The following OSBPL6 variants were observed in gnomAD, a reference collection of about 807,000 sequenced individuals.
OSBPL6 encodes the protein oxysterol binding protein like 6, also known as oxysterol-binding protein-related protein 6.
A neutral mutation model predicts 125.8 loss-of-function variants in OSBPL6; 49 were observed. The ratio of observed to expected loss-of-function variants is 0.39; its 90% CI spans 0.31 to 0.49. The LOEUF (loss-of-function observed/expected upper bound fraction) is 0.49. Among genes scored for constraint, OSBPL6 ranks in the 20% least tolerant of loss-of-function variants. OSBPL6 has a pLI of 0.88. For synonymous variants in OSBPL6, 394 were observed against 391.8 expected, an observed-to-expected ratio of 1.01 and a Z score of -0.07; for missense variants, 986 against 1,135.4, an observed-to-expected ratio of 0.87 and a Z score of 1.89.
chr2:178,300,410 T>A (rs1447300086), intron 2 of OSBPL6, among the ~76,000 whole-genome samples: 1 of 152,216 alleles, frequency 6.6e-6, no homozygotes, highest in Non-Finnish European at 1.5e-5. Context: ...CAGATGTATC[T>A]GCCATAGAGA....
At chr2:178,256,549 C>T (rs1160737805) in intron 1 of OSBPL6, among the ~76,000 whole-genome samples, 1 of 152,056 alleles carries the variant, frequency 6.6e-6, no homozygotes, top group African/African-American at 2.4e-5. Context: ...TCAAGGAAGT[C>T]GTGTGGAAAA....
intron 12 of OSBPL6, among the ~76,000 whole-genome samples, chr2:178,359,892 A>G (rs988971408): frequency 6.6e-6 from 1 of 152,192 alleles, no homozygotes; most frequent in Non-Finnish European, 1.5e-5. Flanking sequence ...GTTTGAGAGC[A>G]GTCTGGTCAA....
chr2:178,348,995 T>C (rs2154089653), intron 11 of OSBPL6, among the ~76,000 whole-genome samples: 1 of 152,328 alleles, frequency 6.6e-6, no homozygotes, highest in Non-Finnish European at 1.5e-5. Flanking sequence ...TATTTCTCTC[T>C]GTAGCAGTGA....
At chr2:178,385,641 A>C in intron 19 of OSBPL6, 120 bp downstream of exon 19, 1 of 750,656 alleles carries the variant, frequency 1.3e-6, no homozygotes, top group Non-Finnish European at 2.2e-6. Flanking sequence ...AAATGTTAGT[A>C]ATTGGTGCAG....
intron 15 of OSBPL6, among the ~76,000 whole-genome samples, chr2:178,378,605 G>T (rs117491478): frequency 0.025 from 3,817 of 152,198 alleles, 270 homozygotes; most frequent in Admixed American, 0.15. Flanking sequence ...GAACTCTTTT[G>T]AATCCCTAAG....
intron 3 of OSBPL6, among the ~76,000 whole-genome samples, chr2:178,312,948 T>C (rs1687418580): frequency 6.6e-6 from 1 of 151,930 alleles, no homozygotes; most frequent in South Asian, 2.1e-4. Context: ...CAGGCTAGAG[T>C]GCAATGGTGT....
At chr2:178,216,510 G>T (rs1202735840) in intron 1 of OSBPL6, among the ~76,000 whole-genome samples, 1 of 152,186 alleles carries the variant, frequency 6.6e-6, no homozygotes. Flanking sequence ...TGAGAGAGAG[G>T]AAGCTCTTCT....
At chr2:178,368,158 A>G (rs967629160) in intron 13 of OSBPL6, among the ~76,000 whole-genome samples, 2 of 152,210 alleles carry the variant, frequency 1.3e-5, no homozygotes, top group African/African-American at 4.8e-5. Flanking sequence ...AATAATTTTT[A>G]GGGCAGGAAA....
intron 1 of OSBPL6, among the ~76,000 whole-genome samples, chr2:178,219,093 A>T (rs2090227219): frequency 6.6e-6 from 1 of 152,058 alleles, no homozygotes; most frequent in South Asian, 2.1e-4. Flanking sequence ...AGGATTCTAG[A>T]TGTAATCCTA....
intron 1 of OSBPL6, among the ~76,000 whole-genome samples, chr2:178,218,879 C>T (rs890606567): frequency 3.9e-5 from 6 of 152,138 alleles, no homozygotes; most frequent in South Asian, 4.1e-4. Flanking sequence ...CTGCCCACCT[C>T]AGCCTCCCAA....
At chr2:178,300,405 G>A (rs763915513) in intron 2 of OSBPL6, among the ~76,000 whole-genome samples, 2 of 152,242 alleles carry the variant, frequency 1.3e-5, no homozygotes, top group African/African-American at 2.4e-5. Context: ...GCTGTCAGAT[G>A]TATCTGCCAT....
intron 12 of OSBPL6, among the ~76,000 whole-genome samples, chr2:178,360,887 T>G (rs981431780): frequency 6.6e-6 from 1 of 152,232 alleles, no homozygotes; most frequent in African/African-American, 2.4e-5. Flanking sequence ...TTTCCACTTT[T>G]ATAAATACCT....
intron 3 of OSBPL6, among the ~76,000 whole-genome samples, chr2:178,315,432 A>G (rs1177812884): frequency 6.6e-6 from 1 of 152,236 alleles, no homozygotes; most frequent in African/African-American, 2.4e-5. Flanking sequence ...GGAATGTAGT[A>G]AATATGACAA....
In OSBPL6 at chr2:178,331,484, C is replaced by A. The variant is rs536872491; in HGVS notation, c.319-68C>A. The A allele has an allele frequency of 1.2e-5, 18 of 1,501,756 alleles. No homozygotes were observed. In the South Asian group the frequency reaches 1.5e-4, roughly 12 times the overall value. 93.0% of individuals were successfully genotyped at this position (1,501,756 alleles called of 1,614,324 possible). A position where few individuals can be genotyped will look rare whatever the true frequency, so the allele number is the denominator to read the frequency against. On this transcript the variant is annotated intron_variant, in intron 5 of 24. Transcript: ENST00000190611. ...TTAATAAATGCCAAGCAACATTAGACCCACATTTGTGAATGTTTTATGTAA... is the reference window on the plus strand; with the variant it reads ...TTAATAAATGCCAAGCAACATTAGAACCACATTTGTGAATGTTTTATGTAA...
intron 1 of OSBPL6, among the ~76,000 whole-genome samples, chr2:178,282,392 G>A (rs1023401338): frequency 1.3e-5 from 2 of 152,162 alleles, no homozygotes; most frequent in African/African-American, 4.8e-5. Flanking sequence ...GGGAAGGAAA[G>A]GAAGCCTTAA....
Position 178,396,275 on chromosome 2 carries a change from C to T in OSBPL6, c.*716C>T, listed in dbSNP as rs1370716114. 1 of 156,580 alleles carries T rather than the reference C, an allele frequency of 6.4e-6. No individual in the cohort carries two copies. Among genetic ancestry groups the T allele is most frequent in the East Asian group, 1.9e-4 (1 of 5,392 alleles). The allele number at this position is 156,580 out of a possible 1,614,324, so 9.7% of individuals were successfully genotyped here. A position where few individuals can be genotyped will look rare whatever the true frequency, so the allele number is the denominator to read the frequency against. ...TTAAAAGTGAACAACACGTGCTTTA[C>T]TCTGATAAGTCAGTTACCATATGGT... On this transcript the variant is annotated 3_prime_UTR_variant, in exon 25 of 25. Transcript: ENST00000190611.
intron 3 of OSBPL6, among the ~76,000 whole-genome samples, chr2:178,310,633 G>C (rs1206069614): frequency 1.3e-5 from 2 of 151,878 alleles, no homozygotes; most frequent in Admixed American, 6.6e-5. Flanking sequence ...TAGCCAGGAT[G>C]GTCTCGATCT....
chr2:178,237,706 C>T (rs1347338526), intron 1 of OSBPL6, among the ~76,000 whole-genome samples: 1 of 152,168 alleles, frequency 6.6e-6, no homozygotes, highest in Non-Finnish European at 1.5e-5. Flanking sequence ...CTGGCCTCTA[C>T]CCACCAGATA....
chr2:178,208,745 C>T (rs2089680469), intron 1 of OSBPL6, among the ~76,000 whole-genome samples: 1 of 150,106 alleles, frequency 6.7e-6, no homozygotes, highest in African/African-American at 2.5e-5. Context: ...TCCTTCCCTT[C>T]TTCCCTCTTT....
Sources: allele counts gnomAD v4.1 joint callset (sites outside exome capture counted in the v4.1 genomes callset), GRCh38; gene constraint gnomAD v4.1.1; transcripts MANE v1.5; gene names NCBI Gene and HGNC (gene_info 2026-07-23, HGNC 2026-07-21).